NCOR1: variants seen among roughly 807,000 people sequenced by gnomAD.
NCOR1 encodes the protein nuclear receptor corepressor 1, also known as protein phosphatase 1, regulatory subunit 109.
A neutral mutation model predicts 288.1 loss-of-function variants in NCOR1; 63 were observed. That is an observed-to-expected ratio of 0.22 (90% CI 0.18 to 0.27). The LOEUF is 0.27. Ranked by LOEUF, NCOR1 falls within the 10% of genes least tolerant of loss-of-function variation. The pLI is 1.00. For synonymous variants in NCOR1, 1,007 were observed against 1,065.9 expected, an observed-to-expected ratio of 0.94 and a Z score of 1.08; for missense variants, 2,397 against 3,019.2, an observed-to-expected ratio of 0.79 and a Z score of 4.83.
chr17:16,200,461 C>A (rs2090624222), intron 1 of NCOR1, among the ~76,000 whole-genome samples: 1 of 129,212 alleles, frequency 7.7e-6, no homozygotes, highest in African/African-American at 3.0e-5. Context: ...CGTGCCACTG[C>A]ACTCCAGCTT....
chr17:16,117,744 T>A (rs752464972), intron 18 of NCOR1, 144 bp downstream of exon 18: 4 of 841,082 alleles, frequency 4.8e-6, no homozygotes, highest in Admixed American at 3.9e-5. Context: ...ATTGCTTGAA[T>A]CCGGGAGGAA....
intron 39 of NCOR1, 42 bp downstream of exon 39, chr17:16,057,864 TC>T: frequency 1.3e-6 from 2 of 1,543,132 alleles, no homozygotes; most frequent in Non-Finnish European, 1.7e-6. Context: ...TTCCCCATGA[TC>T]AAAAAAGAAA....
chr17:16,038,377 T>C (rs993894434), intron 44 of NCOR1, among the ~76,000 whole-genome samples: 2 of 152,190 alleles, frequency 1.3e-5, no homozygotes, highest in South Asian at 2.1e-4. Flanking sequence ...ATACAAGCAT[T>C]AGCATTCCGG....
intron 35 of NCOR1, 117 bp downstream of exon 35, chr17:16,063,951 A>G: frequency 7.3e-7 from 1 of 1,363,128 alleles, no homozygotes; most frequent in Non-Finnish European, 9.8e-7. Flanking sequence ...GGGGCCTGTA[A>G]TAACGTTGTC....
intron 26 of NCOR1, among the ~76,000 whole-genome samples, chr17:16,076,035 T>C (rs2062406341): frequency 1.3e-5 from 2 of 152,172 alleles, no homozygotes; most frequent in African/African-American, 4.8e-5. Flanking sequence ...TGTAACAGCT[T>C]TTATTAGGTT....
intron 5 of NCOR1, among the ~76,000 whole-genome samples, chr17:16,161,220 AACACACACAGACACACACACAC>A (rs966119508): frequency 8.8e-6 from 1 of 113,782 alleles, no homozygotes; most frequent in African/African-American, 3.6e-5. Flanking sequence ...GCTAAAAGCA[AACACACACAGACACACACACAC>A]ACACACACAC....
At chr17:16,184,468 A>G (rs923869150) in intron 3 of NCOR1, among the ~76,000 whole-genome samples, 2 of 152,224 alleles carry the variant, frequency 1.3e-5, no homozygotes, top group African/African-American at 4.8e-5. Flanking sequence ...AAAGATGTTC[A>G]GTATCATTAG....
At position 16,047,113 on chromosome 17, in the gene NCOR1, G is replaced by A; in HGVS notation, c.6537-20C>T. The stretch of plus-strand genomic sequence containing the variant: ...TCATTCCTGTTAGGGCCAAAGTTAA[G>A]TATATTACAACCACGTACTCCTAAT... On this transcript the variant is annotated intron_variant, in intron 41 of 45. Transcript: ENST00000268712. 3.7e-6 allele frequency: 6 copies of A among 1,603,852 alleles called. No individual in the cohort carries two copies. Among genetic ancestry groups the A allele is most frequent in the South Asian group, 1.1e-5 (1 of 89,140 alleles).
At chr17:16,127,223 A>G (rs1402897233) in intron 14 of NCOR1, among the ~76,000 whole-genome samples, 1 of 146,468 alleles carries the variant, frequency 6.8e-6, no homozygotes. Flanking sequence ...CTGTATGTAT[A>G]TATACATGTA....
chr17:16,154,962 G>T (rs1219822084), intron 6 of NCOR1, among the ~76,000 whole-genome samples: 2 of 152,290 alleles, frequency 1.3e-5, no homozygotes. Flanking sequence ...CTAGGATGCT[G>T]GCCTAGATGA....
chr17:16,197,774 G>T (rs1022102865), intron 1 of NCOR1, among the ~76,000 whole-genome samples: 4 of 152,276 alleles, frequency 2.6e-5, no homozygotes, highest in Non-Finnish European at 5.9e-5. Flanking sequence ...ACTGCTCCAG[G>T]TGGAAGGGGA....
rs145418956 is a variant in NCOR1 at position 16,064,940 on chromosome 17, T to C, written c.5031A>G (p.Arg1677=). Residue 1677 remains arginine, a synonymous_variant, in exon 34 of 46, where the codon AGA becomes AGG. Transcript: ENST00000268712. ...PGGTSTPPMD[R]ITYIPGTQIT... ...TCTGTGTACCAGGAATATAAGTGAT[T>C]CTGTCCATGGGAGGAGTGCTTGTTC... 8.1e-6 allele frequency: 13 copies of C among 1,613,978 alleles called. No individual in the cohort carries two copies. Among genetic ancestry groups the C allele is most frequent in the Admixed American group, 1.7e-5 (1 of 60,010 alleles).
rs770994926 is a variant in NCOR1 at position 16,048,997 on chromosome 17, A to G, written c.6393-9T>C. ...GGGATTTTCCAGGCCTACTATTGTA[A>G]TATGTGAAATATTAGATTGTGTTTC... On this transcript the variant is annotated splice_polypyrimidine_tract_variant and intron_variant, in intron 40 of 45. Coordinates refer to ENST00000268712, the MANE Select transcript of NCOR1 (RefSeq NM_006311.4). 5.0e-6 allele frequency: 8 copies of G among 1,596,722 alleles called. No homozygotes were observed. The highest frequency in any genetic ancestry group is 6.0e-6 in the Non-Finnish European group (7 of 1,167,932).
intron 8 of NCOR1, among the ~76,000 whole-genome samples, chr17:16,151,294 C>T (rs1176824011): frequency 6.6e-6 from 1 of 151,764 alleles, no homozygotes; most frequent in African/African-American, 2.4e-5. Context: ...TTTCTTATTC[C>T]AAAATCTGCA....
At chr17:16,192,095 C>T (rs988597218) in intron 2 of NCOR1, 1 of 150,466 alleles carries the variant, frequency 6.6e-6, no homozygotes, top group African/African-American at 2.4e-5. Context: ...AGTGGGAATG[C>T]ACCTATGAAA....
chr17:16,214,478 A>G (rs549115445), intron 1 of NCOR1, among the ~76,000 whole-genome samples: 2 of 152,336 alleles, frequency 1.3e-5, no homozygotes, highest in African/African-American at 4.8e-5. Flanking sequence ...ATATAATTAG[A>G]GAAGCAAATC....
chr17:16,091,682 T>C (rs2065202152), intron 22 of NCOR1, 181 bp downstream of exon 22: 1 of 1,422,604 alleles, frequency 7.0e-7, no homozygotes, highest in South Asian at 1.6e-5. Flanking sequence ...CATCCTTTAG[T>C]AGTTAATAAT....
Position 16,141,425 on chromosome 17 carries a change from T to G in NCOR1, c.1173+2181A>C, listed in dbSNP as rs144014283. 7.5e-3 allele frequency among the ~76,000 whole-genome samples: 1,145 copies of G among 152,264 alleles called. 19 individuals are homozygous for G. The highest frequency in any genetic ancestry group is 0.05 in the East Asian group (257 of 5,186). On this transcript the variant is annotated intron_variant, in intron 11 of 45. Transcript: ENST00000268712. ...GAACAATCTGAGAAGTAAAATGGTT[T>G]AAGGAACTCTGAGATATAGTTTATA... is the stretch of plus-strand genomic sequence containing the variant.
chr17:16,061,658 T>C lies in NCOR1; in HGVS notation c.5624A>G (p.Lys1875Arg). The change falls in exon 37 of 46, where the codon AAG becomes AGG. Residue 1875 changes from lysine to arginine, a missense_variant. Transcript: ENST00000268712. Reference sequence around the variant, plus strand: ...AGTGTATAAACACTGAACAGATCTCTTCTCCACCTCCAGGGTTTTCTGCTC... The same window carrying C: ...AGTGTATAAACACTGAACAGATCTCCTCTCCACCTCCAGGGTTTTCTGCTC... The part of the protein sequence containing the change: ...QLEQKTLEVE[K>R]RSVQCLYTSS... The C allele has an allele frequency of 6.2e-7, 1 of 1,614,252 alleles. No individual in the cohort carries two copies. Among genetic ancestry groups the C allele is most frequent in the South Asian group, 1.1e-5 (1 of 91,082 alleles).
Sources: gnomAD v4.1 joint callset for allele counts (sites outside exome capture counted in the v4.1 genomes callset) on GRCh38, gnomAD v4.1.1 for gene constraint, MANE v1.5 for transcripts, NCBI Gene and HGNC (gene_info 2026-07-23, HGNC 2026-07-21) for gene names.